The following HFM1 variants were observed in gnomAD, a reference collection of about 807,000 sequenced individuals.
The protein encoded by HFM1 is probable ATP-dependent DNA helicase HFM1.
In HFM1, 169 loss-of-function variants were observed where a neutral mutation model predicts 192.1. The observed-to-expected ratio is 0.88, with a 90% confidence interval of 0.78 to 1.00. The LOEUF (loss-of-function observed/expected upper bound fraction) is 1.00. Among genes scored for constraint, HFM1 ranks in the 50% least tolerant of loss-of-function variants. The pLI is 0.00. For synonymous variants in HFM1, 525 were observed against 537.8 expected, an observed-to-expected ratio of 0.98 and a Z score of 0.33; for missense variants, 1,661 against 1,668.0, an observed-to-expected ratio of 1.00 and a Z score of 0.07.
intron 30 of HFM1, among the ~76,000 whole-genome samples, chr1:91,289,291 A>G (rs1009005351): frequency 6.0e-5 from 9 of 148,842 alleles, no homozygotes; most frequent in African/African-American, 2.2e-4. Context: ...CGCTCCCCAC[A>G]TCCCAGACGA....
intron 30 of HFM1, among the ~76,000 whole-genome samples, chr1:91,293,957 C>T (rs1396706723): frequency 6.7e-6 from 1 of 149,362 alleles, no homozygotes; most frequent in Admixed American, 6.8e-5. Flanking sequence ...GAACAAAAAA[C>T]CAAACACCGC....
At chr1:91,320,252 T>C (rs1363939017) in intron 23 of HFM1, among the ~76,000 whole-genome samples, 1 of 152,228 alleles carries the variant, frequency 6.6e-6, no homozygotes, top group Non-Finnish European at 1.5e-5. Flanking sequence ...TATTTCATGA[T>C]TTCGTTTAGC....
At chr1:91,306,041 T>A (rs923370832) in intron 30 of HFM1, among the ~76,000 whole-genome samples, 2 of 152,142 alleles carry the variant, frequency 1.3e-5, no homozygotes, top group Admixed American at 1.3e-4. Context: ...TCTTTATATT[T>A]AAGAAGTTCC....
intron 4 of HFM1, among the ~76,000 whole-genome samples, chr1:91,390,507 A>T (rs1475180804): frequency 1.3e-5 from 2 of 152,184 alleles, no homozygotes; most frequent in African/African-American, 4.8e-5. Context: ...AGAATGAAAG[A>T]CTGATACATA....
At chr1:91,337,669 G>A (rs1654781977) in intron 20 of HFM1, among the ~76,000 whole-genome samples, 1 of 152,108 alleles carries the variant, frequency 6.6e-6, no homozygotes, top group Admixed American at 6.5e-5. Flanking sequence ...GTCACCCTGT[G>A]ACCTGCAGAT....
intron 34 of HFM1, among the ~76,000 whole-genome samples, chr1:91,270,317 A>C (rs1250030477): frequency 6.6e-6 from 1 of 152,138 alleles, no homozygotes; most frequent in Admixed American, 6.6e-5. Flanking sequence ...CAAAGTAAAG[A>C]GTTCATTCAT....
intron 15 of HFM1, 61 bp downstream of exon 15, chr1:91,352,987 TTTC>T (rs1215343202): frequency 9.3e-7 from 1 of 1,073,528 alleles, no homozygotes; most frequent in Non-Finnish European, 1.4e-6. Context: ...TTTTTCCTTT[TTTC>T]CTCTTAAAAA....
At chr1:91,399,781 G>A (rs764662776) in intron 2 of HFM1, among the ~76,000 whole-genome samples, 3 of 152,132 alleles carry the variant, frequency 2.0e-5, no homozygotes, top group Admixed American at 6.6e-5. Flanking sequence ...ACTCCAAGAC[G>A]ACCTTCCTTC....
At chr1:91,364,846 G>A (rs1420908355) in intron 13 of HFM1, among the ~76,000 whole-genome samples, 1 of 151,272 alleles carries the variant, frequency 6.6e-6, no homozygotes, top group African/African-American at 2.4e-5. Flanking sequence ...TGTTAGCCAG[G>A]GTGGTCTTGA....
intron 4 of HFM1, among the ~76,000 whole-genome samples, chr1:91,390,659 G>A (rs769856186): frequency 3.1e-4 from 47 of 152,060 alleles, no homozygotes; most frequent in Non-Finnish European, 5.0e-4. Context: ...TACTGAATGG[G>A]CAAAAACTGG....
intron 4 of HFM1, among the ~76,000 whole-genome samples, chr1:91,389,309 A>G (rs1169970743): frequency 6.6e-6 from 1 of 151,812 alleles, no homozygotes. Flanking sequence ...TTACAGGCGC[A>G]TGCCACCACA....
intron 6 of HFM1, among the ~76,000 whole-genome samples, chr1:91,381,299 T>C (rs1476657140): frequency 3.3e-5 from 5 of 152,198 alleles, no homozygotes; most frequent in African/African-American, 4.8e-5. Flanking sequence ...CTAGTTTATC[T>C]TTTCCAGAGT....
At chr1:91,317,818 C>T (rs77716252) in intron 25 of HFM1, among the ~76,000 whole-genome samples, 2,714 of 151,858 alleles carry the variant, frequency 0.018, 38 homozygotes, top group Non-Finnish European at 0.029. Flanking sequence ...TTATTTTTTT[C>T]AAGATGCCCA....
chr1:91,369,777 C>T (rs1307516544), intron 13 of HFM1, among the ~76,000 whole-genome samples: 1 of 152,078 alleles, frequency 6.6e-6, no homozygotes, highest in Non-Finnish European at 1.5e-5. Flanking sequence ...ACAAAAAACC[C>T]TTCCAAAAAT....
intron 30 of HFM1, among the ~76,000 whole-genome samples, chr1:91,299,424 C>T (rs1648293915): frequency 6.6e-6 from 1 of 152,150 alleles, no homozygotes; most frequent in Non-Finnish European, 1.5e-5. Context: ...CAGCTCTGCA[C>T]CAACCGGACC....
chr1:91,285,416 G>C (rs188062823), intron 30 of HFM1, among the ~76,000 whole-genome samples: 1 of 152,126 alleles, frequency 6.6e-6, no homozygotes, highest in Admixed American at 6.5e-5. Context: ...ATATCAGTTT[G>C]TATCATTTAA....
At chr1:91,389,376 G>A (rs1317427066) in intron 4 of HFM1, among the ~76,000 whole-genome samples, 2 of 152,036 alleles carry the variant, frequency 1.3e-5, no homozygotes, top group Non-Finnish European at 2.9e-5. Context: ...TGGTCAGACT[G>A]GTCTCGAACT....
At chr1:91,357,754 C>T (rs1488394725) in intron 13 of HFM1, among the ~76,000 whole-genome samples, 3 of 152,054 alleles carry the variant, frequency 2.0e-5, no homozygotes, top group Non-Finnish European at 2.9e-5. Flanking sequence ...AGTAAAGTTG[C>T]AGGATTCAAA....
chr1:91,296,473 T>C (rs975932325), intron 30 of HFM1, among the ~76,000 whole-genome samples: 5 of 152,162 alleles, frequency 3.3e-5, no homozygotes, highest in Non-Finnish European at 5.9e-5. Flanking sequence ...TATGTTTTTC[T>C]TCAAGTTTGC....
Sources: gnomAD v4.1 joint callset for allele counts (sites outside exome capture counted in the v4.1 genomes callset) on GRCh38, gnomAD v4.1.1 for gene constraint, MANE v1.5 for transcripts, NCBI Gene and HGNC (gene_info 2026-07-23, HGNC 2026-07-21) for gene names.